TIA1: variants seen among roughly 807,000 people sequenced by gnomAD.
The protein encoded by TIA1 is TIA1 cytotoxic granule associated RNA binding protein, also known as cytotoxic granule associated RNA binding protein TIA1.
In TIA1, 23 loss-of-function variants were observed where a neutral mutation model predicts 65.9. The observed-to-expected ratio is 0.35, with a 90% CI of 0.25 to 0.49. The LOEUF is 0.49. Ranked by LOEUF, TIA1 falls within the 20% of genes least tolerant of loss-of-function variation. TIA1 has a pLI of 0.98. For synonymous variants in TIA1, 147 were observed against 149.4 expected (o/e 0.98, Z 0.12); for missense variants, 371 against 477.9 (o/e 0.78, Z 2.09).
chr2:70,212,001 AG>A lies in TIA1; in HGVS notation c.*717del, dbSNP rs925024894. ...AAAAATCCTTTTAAACAAATCCAAC[AG>A]GAAATTCTTGAGGCACCTTCTCATA... On this transcript the variant is annotated 3_prime_UTR_variant, in exon 13 of 13. Transcript: ENST00000433529. The A allele has an allele frequency of 6.6e-6, 1 of 152,636 alleles. No individual in the cohort carries two copies. Among genetic ancestry groups the A allele is most frequent in the Non-Finnish European group, 1.5e-5 (1 of 68,038 alleles). 9.5% of individuals were successfully genotyped at this position (152,636 alleles called of 1,614,324 possible).
intron 10 of TIA1, 155 bp from the exon 11 acceptor site, chr2:70,215,649 G>A (rs914211268): frequency 6.1e-6 from 4 of 656,624 alleles, no homozygotes; most frequent in Non-Finnish European, 9.9e-6. Context: ...TTGTAGTTCT[G>A]GGGCAACTTG....
At position 70,216,227 on chromosome 2, in the gene TIA1, T is replaced by A; in HGVS notation, c.745A>T (p.Lys249Ter). 1 of 1,590,372 alleles carries A rather than the reference T, an allele frequency of 6.3e-7. No homozygotes were observed. The highest frequency in any genetic ancestry group is 8.5e-7 in the Non-Finnish European group (1 of 1,173,490). Reference protein sequence around the residue: ...QIMEIRVFPDKGYSFVRFNSH... With the variant: ...QIMEIRVFPD ...CCCTACCGAACAAATGAATATCCTT[T>A]ATCTGGAAAGACTCGAATTTCCATT... Residue 249 changes from lysine (K) to a stop codon, truncating the protein, a stop_gained, in exon 10 of 13, where the codon AAA (lysine) becomes TAA (stop). Coordinates refer to ENST00000433529, the MANE Select transcript of TIA1 (RefSeq NM_022173.4). LOFTEE classifies it high-confidence loss of function.
intron 1 of TIA1, among the ~76,000 whole-genome samples, chr2:70,242,095 T>C (rs1321742950): frequency 6.6e-6 from 1 of 152,116 alleles, no homozygotes; most frequent in Non-Finnish European, 1.5e-5. Flanking sequence ...ACCACGGTTA[T>C]ATAAGATGGT....
chr2:70,229,519 T>A (rs1685202302), intron 3 of TIA1, among the ~76,000 whole-genome samples: 1 of 152,224 alleles, frequency 6.6e-6, no homozygotes, highest in African/African-American at 2.4e-5. Flanking sequence ...ATGTGTCTGT[T>A]ATCATTCAAT....
chr2:70,235,539 T>TGA (rs1411277108), intron 2 of TIA1, among the ~76,000 whole-genome samples: 1 of 131,298 alleles, frequency 7.6e-6, no homozygotes, highest in Non-Finnish European at 1.5e-5. Context: ...ATTAGATGAA[T>TGA]GAGTGTGTGT....
chr2:70,219,789 CT>C (rs764612240), intron 7 of TIA1, among the ~76,000 whole-genome samples: 2 of 138,354 alleles, frequency 1.4e-5, no homozygotes, highest in East Asian at 4.2e-4. Context: ...GTTGCCCAGG[CT>C]GGTTTCTAAC....
chr2:70,248,462 C>A lies in TIA1; in HGVS notation c.-32G>T, dbSNP rs760958925. 18 of 1,600,724 alleles carry A rather than the reference C, an allele frequency of 1.1e-5. No individual in the cohort carries two copies. The highest frequency in any genetic ancestry group is 5.3e-5 in the African/African-American group (4 of 74,932). ...TGCTGTCGCGGCGGCGCCTCCAGGTCCAGCTCCCTGCCCTTCACTACCTCC... is the reference window on the plus strand; with the variant it reads ...TGCTGTCGCGGCGGCGCCTCCAGGTACAGCTCCCTGCCCTTCACTACCTCC... On this transcript the variant is annotated 5_prime_UTR_variant, in exon 1 of 13. Coordinates refer to ENST00000433529, the MANE Select transcript of TIA1 (RefSeq NM_022173.4).
chr2:70,215,899 C>T (rs1678408291), intron 10 of TIA1, among the ~76,000 whole-genome samples: 1 of 152,082 alleles, frequency 6.6e-6, no homozygotes, highest in African/African-American at 2.4e-5. Flanking sequence ...CAGGCATGCA[C>T]CGCCATGCCG....
chr2:70,216,652 C>T, intron 8 of TIA1, 153 bp from the exon 9 acceptor site: 4 of 1,349,666 alleles, frequency 3.0e-6, no homozygotes, highest in Non-Finnish European at 4.0e-6. Context: ...ATTAAACCTC[C>T]CCCACGAATG....
intron 5 of TIA1, 76 bp downstream of exon 5, chr2:70,228,977 AAATATC>A: frequency 2.2e-6 from 1 of 459,506 alleles, no homozygotes; most frequent in Non-Finnish European, 2.9e-6. Flanking sequence ...CCCCTCCCCC[AAATATC>A]AAACAAAAAA....
At chr2:70,228,863 G>A in intron 5 of TIA1, 196 bp downstream of exon 5, 1 of 1,437,190 alleles carries the variant, frequency 7.0e-7, no homozygotes, top group South Asian at 1.6e-5. Context: ...GGGTCAGAAA[G>A]CTTGAACTAG....
chr2:70,237,757 G>A (rs1048209801), intron 1 of TIA1, among the ~76,000 whole-genome samples: 1 of 151,652 alleles, frequency 6.6e-6, no homozygotes, highest in Non-Finnish European at 1.5e-5. Flanking sequence ...CCAGCTACTG[G>A]GGGACGGCTG....
chr2:70,240,169 C>A (rs1183940794), intron 1 of TIA1, among the ~76,000 whole-genome samples: 1 of 151,934 alleles, frequency 6.6e-6, no homozygotes, highest in African/African-American at 2.4e-5. Context: ...CCACTATGAC[C>A]CAGTGATAAA....
At chr2:70,230,429 T>A (rs1291226871) in intron 3 of TIA1, among the ~76,000 whole-genome samples, 1 of 152,072 alleles carries the variant, frequency 6.6e-6, no homozygotes, top group African/African-American at 2.4e-5. Flanking sequence ...GGCAGGCAGA[T>A]CACCTGAGGT....
chr2:70,211,102 C>T lies in TIA1; in HGVS notation c.*1617G>A, dbSNP rs1676373671. On this transcript the variant is annotated 3_prime_UTR_variant, in exon 13 of 13. Transcript: ENST00000433529. ...TTCTAGGTAAAATGCAGGGAGCTCC[C>T]TGAAGGTCTTGAAAACCATCAACCA... The T allele has an allele frequency of 6.6e-6, 1 of 152,148 alleles. No individual in the cohort carries two copies. The highest frequency in any genetic ancestry group is 2.4e-5 in the African/African-American group (1 of 41,436). 9.4% of individuals were successfully genotyped at this position (152,148 alleles called of 1,614,324 possible). A position where few individuals can be genotyped will look rare whatever the true frequency, so the allele number is the denominator to read the frequency against.
At position 70,213,345 on chromosome 2, in the gene TIA1, C is replaced by CTT. The variant is rs746531756; in HGVS notation, c.1035-502_1035-501dup. Among the ~76,000 whole-genome samples, 18 of 137,290 alleles carry CTT rather than the reference C, an allele frequency of 1.3e-4. No individual in the cohort carries two copies. The East Asian group carries it at 2.9e-3, about 22-fold the overall frequency. The allele number at this position is 137,290 out of a possible 152,430, so 90.1% of individuals were successfully genotyped here. The stretch of plus-strand genomic sequence containing the variant: ...ACATTACAAGATTTTCTTTTCTTTT[C>CTT]TTTTTTTTTTTTTTTTAAGACAGGT... On this transcript the variant is annotated intron_variant, in intron 12 of 12. Coordinates refer to ENST00000433529, the MANE Select transcript of TIA1 (RefSeq NM_022173.4).
Position 70,216,871 on chromosome 2 carries a change from C to T in TIA1, c.583+15G>A. The T allele has an allele frequency of 6.2e-7, 1 of 1,614,020 alleles. No individual in the cohort carries two copies. The highest frequency in any genetic ancestry group is 8.5e-7 in the Non-Finnish European group (1 of 1,179,986). ...CCAAAATTCCACATTTCCTTTTCTT[C>T]TCCAATACACCTACACTCATATGTA... is the stretch of plus-strand genomic sequence containing the variant. On this transcript the variant is annotated intron_variant, in intron 8 of 12. Transcript: ENST00000433529.
At chr2:70,245,158 T>G (rs1228396103) in intron 1 of TIA1, among the ~76,000 whole-genome samples, 1 of 152,142 alleles carries the variant, frequency 6.6e-6, no homozygotes, top group Non-Finnish European at 1.5e-5. Context: ...AGCTAATTTT[T>G]GTATTTTTAG....
chr2:70,223,064 T>C lies in TIA1; in HGVS notation c.474+1490A>G, dbSNP rs114238272. Among the ~76,000 whole-genome samples the C allele has an allele frequency of 6.7e-3, 1,015 of 152,332 alleles. 12 individuals carry two copies. Among genetic ancestry groups the C allele is most frequent in the African/African-American group, 0.022 (922 of 41,572 alleles). ...GACTCTAGTTCATACTAAATACACA[T>C]TCAACAGTGATTTTTATATAGCAGA... On this transcript the variant is annotated intron_variant, in intron 7 of 12. Transcript: ENST00000433529.
Sources: gnomAD v4.1 joint callset for allele counts (sites outside exome capture counted in the v4.1 genomes callset) on GRCh38, gnomAD v4.1.1 for gene constraint, MANE v1.5 for transcripts, NCBI Gene and HGNC (gene_info 2026-07-23, HGNC 2026-07-21) for gene names.